The following PHAF1 variants were observed in gnomAD, a reference collection of about 807,000 sequenced individuals.
The protein encoded by PHAF1 is phagosome assembly factor 1.
PHAF1 carries 23 observed loss-of-function variants against 63.1 expected under a neutral mutation model. The ratio of observed to expected loss-of-function variants is 0.36; its 90% CI spans 0.26 to 0.52. The LOEUF is 0.52. PHAF1 is among the 20% of genes least tolerant of loss of function. The pLI is 0.93. For synonymous variants in PHAF1, 167 were observed against 185.0 expected (o/e 0.90, Z 0.79); for missense variants, 427 against 517.2 (o/e 0.83, Z 1.69).
intron 10 of PHAF1, among the ~76,000 whole-genome samples, chr16:67,141,489 C>T (rs552268537): frequency 6.6e-6 from 1 of 152,338 alleles, no homozygotes; most frequent in East Asian, 1.9e-4. Flanking sequence ...TCCCGCTGGG[C>T]TCATTCAGCT....
At chr16:67,143,068 A>G (rs1183475122) in intron 10 of PHAF1, among the ~76,000 whole-genome samples, 1 of 152,002 alleles carries the variant, frequency 6.6e-6, no homozygotes, top group East Asian at 1.9e-4. Flanking sequence ...AGGGTAGGGG[A>G]TAGGAGGGAA....
At chr16:67,138,160 C>G (rs1363821503) in intron 8 of PHAF1, among the ~76,000 whole-genome samples, 1 of 152,016 alleles carries the variant, frequency 6.6e-6, no homozygotes, top group Non-Finnish European at 1.5e-5. Flanking sequence ...CCTTACAGCC[C>G]CCATCTGACA....
At chr16:67,111,812 T>C (rs1177766464) in intron 1 of PHAF1, among the ~76,000 whole-genome samples, 1 of 152,122 alleles carries the variant, frequency 6.6e-6, no homozygotes, top group Admixed American at 6.6e-5. Context: ...TTAGTAGAGA[T>C]TGGGTTTCGC....
rs564268331 is a variant in PHAF1 at position 67,136,539 on chromosome 16, C to G, written c.661+2072C>G. 2.3e-5 allele frequency among the ~76,000 whole-genome samples: 3 copies of G among 128,244 alleles called. No individual in the cohort carries two copies. The South Asian group carries it at 7.4e-4, about 31-fold the overall frequency. The allele number at this position is 128,244 out of a possible 152,430, so 84.1% of individuals were successfully genotyped here. On this transcript the variant is annotated intron_variant, in intron 8 of 15. Transcript: ENST00000219139. ...GTAAATTGGGTTCCTGCATCAGTCT[C>G]TGAGGCATTGATTCCTTTTTTTTTT...
intron 3 of PHAF1, among the ~76,000 whole-genome samples, chr16:67,130,576 T>C (rs985781816): frequency 6.8e-6 from 1 of 147,252 alleles, no homozygotes; most frequent in Non-Finnish European, 1.5e-5. Flanking sequence ...CTGGAACTCC[T>C]GACCTCAGGA....
At chr16:67,129,559 T>G (rs1447801093) in intron 3 of PHAF1, among the ~76,000 whole-genome samples, 1 of 152,254 alleles carries the variant, frequency 6.6e-6, no homozygotes, top group Non-Finnish European at 1.5e-5. Flanking sequence ...GTGCCAGATG[T>G]TCCTGCATAC....
chr16:67,143,854 C>T (rs574574307), intron 10 of PHAF1, among the ~76,000 whole-genome samples: 5 of 152,038 alleles, frequency 3.3e-5, no homozygotes, highest in Admixed American at 6.5e-5. Flanking sequence ...TTTGGGAGGC[C>T]GAGGTGGGCG....
intron 4 of PHAF1, 77 bp from the exon 5 acceptor site, chr16:67,132,367 ACT>A: frequency 8.0e-7 from 1 of 1,256,900 alleles, no homozygotes; most frequent in East Asian, 2.3e-5. Flanking sequence ...CTTAAAAATA[ACT>A]CTCCCAGCTA....
Position 67,147,161 on chromosome 16 carries a change from G to T in PHAF1, c.*30G>T, listed in dbSNP as rs778460466. On this transcript the variant is annotated 3_prime_UTR_variant, in exon 16 of 16. Transcript: ENST00000219139. Reference sequence around the variant, plus strand: ...ACCACCACCCATGCCCCTCTGTCCCGTGGAACTGTGCATCACATCCTGCTC... The same window carrying T: ...ACCACCACCCATGCCCCTCTGTCCCTTGGAACTGTGCATCACATCCTGCTC... 2 of 1,569,756 alleles carry T rather than the reference G, an allele frequency of 1.3e-6. No homozygotes were observed. Among genetic ancestry groups the T allele is most frequent in the African/African-American group, 2.7e-5 (2 of 73,874 alleles).
intron 3 of PHAF1, 84 bp from the exon 4 acceptor site, chr16:67,131,202 C>G: frequency 1.5e-5 from 3 of 198,422 alleles, no homozygotes; most frequent in Non-Finnish European, 1.8e-5. Context: ...TTTTTTTTTA[C>G]TATTTATTCT....
chr16:67,139,861 T>C (rs1429072361), intron 8 of PHAF1, 123 bp from the exon 9 acceptor site: 6 of 1,072,976 alleles, frequency 5.6e-6, no homozygotes, highest in Non-Finnish European at 8.2e-6. Context: ...TCTGATTGCA[T>C]GCAGTCTTGC....
chr16:67,126,745 C>T (rs748414922), intron 3 of PHAF1, among the ~76,000 whole-genome samples: 39 of 151,592 alleles, frequency 2.6e-4, no homozygotes, highest in Admixed American at 7.9e-4. Context: ...CACGCCACCA[C>T]GCCCAGCTAA....
At chr16:67,111,748 C>G (rs2145808505) in intron 1 of PHAF1, among the ~76,000 whole-genome samples, 1 of 152,208 alleles carries the variant, frequency 6.6e-6, no homozygotes, top group East Asian at 1.9e-4. Flanking sequence ...AGCCTCCCTA[C>G]TAGTAGCTGG....
chr16:67,121,027 C>G (rs1962946798), intron 2 of PHAF1, among the ~76,000 whole-genome samples: 2 of 152,148 alleles, frequency 1.3e-5, no homozygotes, highest in African/African-American at 2.4e-5. Context: ...TACCCCTCTA[C>G]CAGCCTAGTG....
chr16:67,126,595 G>GTTTTT (rs60445297), intron 3 of PHAF1, among the ~76,000 whole-genome samples: 103 of 134,176 alleles, frequency 7.7e-4, no homozygotes, highest in African/African-American at 2.6e-3. Context: ...TTTGTTTTTG[G>GTTTTT]TTTTTTTTTT....
chr16:67,124,617 C>T (rs1217016393), intron 2 of PHAF1, among the ~76,000 whole-genome samples: 2 of 152,236 alleles, frequency 1.3e-5, no homozygotes, highest in Admixed American at 6.5e-5. Flanking sequence ...AGCACAGTGG[C>T]TCACGCCTGT....
At chr16:67,126,830 C>T (rs1228581961) in intron 3 of PHAF1, among the ~76,000 whole-genome samples, 1 of 151,464 alleles carries the variant, frequency 6.6e-6, no homozygotes, top group Non-Finnish European at 1.5e-5. Flanking sequence ...CCTTGTGATC[C>T]GCCCACCACA....
chr16:67,144,933 A>G, intron 12 of PHAF1, 56 bp downstream of exon 12: 4 of 1,573,608 alleles, frequency 2.5e-6, no homozygotes, highest in South Asian at 2.2e-5. Flanking sequence ...GTTTTCCACT[A>G]TGAAAAGGGA....
chr16:67,146,121 A>C (rs1026152200), intron 14 of PHAF1, among the ~76,000 whole-genome samples, 157 bp from the exon 15 acceptor site: 5 of 151,604 alleles, frequency 3.3e-5, no homozygotes, highest in African/African-American at 1.2e-4. Flanking sequence ...GACCATCCCT[A>C]CCCCTAGGAT....
Sources: allele counts gnomAD v4.1 joint callset (sites outside exome capture counted in the v4.1 genomes callset), GRCh38; gene constraint gnomAD v4.1.1; transcripts MANE v1.5; gene names NCBI Gene and HGNC (gene_info 2026-07-23, HGNC 2026-07-21).